Variants in SGCD observed in about 807,000 individuals in gnomAD.
SGCD encodes delta-sarcoglycan.
A neutral mutation model predicts 36.6 loss-of-function variants in SGCD; 18 were observed. That is an observed-to-expected ratio of 0.49 (90% CI 0.34 to 0.73). SGCD has a LOEUF of 0.73. Ranked by LOEUF, SGCD falls within the 30% of genes least tolerant of loss-of-function variation. SGCD has a pLI of 0.01. For missense variants in SGCD, 387 were observed against 346.7 expected (o/e 1.12, Z -0.92); for synonymous variants, 133 against 130.6 (o/e 1.02, Z -0.12).
chr5:156,449,869 A>G lies in SGCD; in HGVS notation c.193-58732A>G, dbSNP rs1210428763. 4.0e-5 allele frequency among the ~76,000 whole-genome samples: 6 copies of G among 151,388 alleles called. No individual in the cohort carries two copies. In the East Asian group the frequency reaches 5.8e-4, roughly 15 times the overall value. On this transcript the variant is annotated intron_variant, in intron 3 of 8. Transcript: ENST00000337851. ...CTCCATCTCAAAAAAAAAAAAAAAA[A>G]AAAGAAACTTTTTCGACTTCAGAAT...
At chr5:155,877,721 C>T (rs1358806581) in intron 1 of SGCD, among the ~76,000 whole-genome samples, 1 of 151,988 alleles carries the variant, frequency 6.6e-6, no homozygotes, top group Non-Finnish European at 1.5e-5. Context: ...ATTTATTCTG[C>T]TTGATCAAAG....
the SGCD span, among the ~76,000 whole-genome samples, chr5:155,761,637 A>G: frequency 6.9e-6 from 1 of 143,894 alleles, no homozygotes; most frequent in Non-Finnish European, 1.5e-5. Flanking sequence ...TCTCTCCATC[A>G]TCATCTCCAT....
At chr5:155,824,917 A>G in the SGCD span, among the ~76,000 whole-genome samples, 5 of 152,236 alleles carry the variant, frequency 3.3e-5, no homozygotes, top group Non-Finnish European at 5.9e-5. Flanking sequence ...TCTACTTGCT[A>G]TATAAATTAA....
chr5:156,680,724 T>C (rs1420782771), intron 7 of SGCD, among the ~76,000 whole-genome samples: 2 of 152,184 alleles, frequency 1.3e-5, no homozygotes, highest in African/African-American at 4.8e-5. Context: ...AAAAGATGTG[T>C]GTGCTGTGTC....
intron 1 of SGCD, among the ~76,000 whole-genome samples, chr5:155,950,329 G>A (rs146200325): frequency 6.6e-6 from 1 of 152,238 alleles, no homozygotes; most frequent in African/African-American, 2.4e-5. Context: ...GAGAGTCTCT[G>A]TCTTGCCTTC....
At chr5:156,146,920 C>A (rs1200083245) in intron 3 of SGCD, among the ~76,000 whole-genome samples, 1 of 152,130 alleles carries the variant, frequency 6.6e-6, no homozygotes, top group Non-Finnish European at 1.5e-5. Context: ...TATATGACTT[C>A]TTGATAGACT....
chr5:156,721,004 G>A (rs1755468551), intron 7 of SGCD, among the ~76,000 whole-genome samples: 1 of 152,158 alleles, frequency 6.6e-6, no homozygotes, highest in African/African-American at 2.4e-5. Flanking sequence ...GGGATTTCCT[G>A]GCATGTTAGT....
At chr5:156,480,675 G>T (rs912460297) in intron 3 of SGCD, among the ~76,000 whole-genome samples, 19 of 152,178 alleles carry the variant, frequency 1.2e-4, no homozygotes, top group South Asian at 6.2e-4. Flanking sequence ...GTGGGGGAAT[G>T]AATTAATGTT....
chr5:156,168,155 C>T (rs1408754640), intron 3 of SGCD, among the ~76,000 whole-genome samples: 1 of 152,182 alleles, frequency 6.6e-6, no homozygotes, highest in Non-Finnish European at 1.5e-5. Context: ...TAGATAAAAT[C>T]ATCATTTTTT....
intron 3 of SGCD, among the ~76,000 whole-genome samples, chr5:156,233,836 G>T (rs1022163306): frequency 1.3e-5 from 2 of 152,174 alleles, no homozygotes; most frequent in African/African-American, 2.4e-5. Flanking sequence ...AGTGAACTAT[G>T]ATGGCCCCAC....
intron 3 of SGCD, among the ~76,000 whole-genome samples, chr5:156,466,375 A>T (rs1754721716): frequency 6.6e-6 from 1 of 152,212 alleles, no homozygotes; most frequent in South Asian, 2.1e-4. Flanking sequence ...ACAAACACTG[A>T]TTAAACTACC....
intron 7 of SGCD, among the ~76,000 whole-genome samples, chr5:156,732,371 TG>T (rs1278977306): frequency 6.6e-6 from 1 of 152,214 alleles, no homozygotes; most frequent in Non-Finnish European, 1.5e-5. Context: ...ATGTTGTTTT[TG>T]TCTTTAGTTC....
In SGCD at chr5:156,238,705, TG is replaced by T. The variant is rs1261278527; in HGVS notation, c.-43-90827del. 5.9e-5 allele frequency among the ~76,000 whole-genome samples: 9 copies of T among 152,190 alleles called. No individual in the cohort carries two copies. The South Asian group carries it at 8.3e-4, about 14-fold the overall frequency. On this transcript the variant is annotated intron_variant, in intron 3 of 9. Coordinates refer to the SGCD transcript ENST00000517913. ...TAAAATGTACAGAGCCAGGCTTCTG[TG>T]GTGGCTTTCACTGATCCCCAGGACC... is the stretch of plus-strand genomic sequence containing the variant.
chr5:155,980,927 C>T (rs1758216370), intron 1 of SGCD, among the ~76,000 whole-genome samples: 1 of 152,176 alleles, frequency 6.6e-6, no homozygotes, highest in Non-Finnish European at 1.5e-5. Context: ...CAACTGTTGG[C>T]ACCATCTGGG....
intron 3 of SGCD, among the ~76,000 whole-genome samples, chr5:156,416,543 G>C (rs1278123916): frequency 6.6e-6 from 1 of 151,610 alleles, no homozygotes. Context: ...TGAAAAAAAT[G>C]GGGGGGGAAA....
chr5:156,635,402 T>G (rs1383216954), intron 6 of SGCD, among the ~76,000 whole-genome samples: 1 of 152,124 alleles, frequency 6.6e-6, no homozygotes, highest in Non-Finnish European at 1.5e-5. Flanking sequence ...CTGGAGAGGA[T>G]GTGGAGAAAT....
rs142387201 is a variant in SGCD at position 155,937,476 on chromosome 5, A to G, written c.-282+67052A>G. On this transcript the variant is annotated intron_variant, in intron 1 of 9. Transcript: ENST00000517913. ...AACTTATTTACACTAAAAAGGGCAG[A>G]AGAAATGCCTGCATCCATAAAAGAA... Among the ~76,000 whole-genome samples, 8 of 152,346 alleles carry G rather than the reference A, an allele frequency of 5.3e-5. No homozygotes were observed. The East Asian group carries it at 1.5e-3, about 29-fold the overall frequency.
intron 3 of SGCD, among the ~76,000 whole-genome samples, chr5:156,418,884 T>C (rs1242604783): frequency 6.6e-6 from 1 of 152,208 alleles, no homozygotes; most frequent in Admixed American, 6.5e-5. Context: ...CATTTGGCAT[T>C]ACCTTTTCTT....
chr5:156,128,251 A>T (rs1420291193), intron 3 of SGCD, among the ~76,000 whole-genome samples: 3 of 152,186 alleles, frequency 2.0e-5, no homozygotes, highest in Non-Finnish European at 4.4e-5. Flanking sequence ...AGTTAAAAGG[A>T]TGTGAAGTAA....
Sources: gnomAD v4.1 joint callset for allele counts (sites outside exome capture counted in the v4.1 genomes callset) on GRCh38, gnomAD v4.1.1 for gene constraint, MANE v1.5 for transcripts, NCBI Gene and HGNC (gene_info 2026-07-23, HGNC 2026-07-21) for gene names.